Variants in JAKMIP1 observed in about 807,000 individuals in gnomAD.
JAKMIP1 encodes janus kinase and microtubule-interacting protein 1.
Under a neutral mutation model 113.0 loss-of-function variants are expected in JAKMIP1, and 33 were observed. The observed-to-expected ratio is 0.29, with a 90% CI of 0.22 to 0.39. The LOEUF is 0.39. Ranked by LOEUF, JAKMIP1 falls within the 10% of genes least tolerant of loss-of-function variation. The probability of loss-of-function intolerance (pLI) is 1.00; values close to 1 mark genes in which losing one functional copy is unlikely to be tolerated. For missense variants in JAKMIP1, 813 were observed against 1,080.5 expected, an observed-to-expected ratio of 0.75 and a Z score of 3.47; for synonymous variants, 480 against 459.9, an observed-to-expected ratio of 1.04 and a Z score of -0.56.
chr4:6,099,999 T>G (rs577988079), intron 3 of JAKMIP1, among the ~76,000 whole-genome samples: 1 of 152,200 alleles, frequency 6.6e-6, no homozygotes, highest in Non-Finnish European at 1.5e-5. Context: ...TGTTTCATTG[T>G]GTGCTGTTCT....
At position 6,136,092 on chromosome 4, in the gene JAKMIP1, A is replaced by T. The variant is rs1719203347; in HGVS notation, c.-147-23095T>A. Among the ~76,000 whole-genome samples, 1 of 152,036 alleles carries T rather than the reference A, an allele frequency of 6.6e-6. No individual in the cohort carries two copies. The highest frequency in any genetic ancestry group is 1.5e-5 in the Non-Finnish European group (1 of 68,000). On this transcript the variant is annotated intron_variant, in intron 1 of 20. Coordinates refer to ENST00000409021, the MANE Select transcript of JAKMIP1 (RefSeq NM_001099433.2). This position sits in a 1 kb window ranked among gnomAD's most constrained non-coding sequence, Gnocchi z 5.9. Reference sequence around the variant, plus strand: ...GAAACCCCATCTCTACTAAAGATACAAAAATTGGCCGGGCATGGTGGTGGG... The same window carrying T: ...GAAACCCCATCTCTACTAAAGATACTAAAATTGGCCGGGCATGGTGGTGGG...
intron 1 of JAKMIP1, among the ~76,000 whole-genome samples, chr4:6,190,914 T>C (rs1467630596): frequency 6.6e-6 from 1 of 152,072 alleles, no homozygotes; most frequent in African/African-American, 2.4e-5. Context: ...AGCAGAGAGG[T>C]TGCATCAAAC....
rs1714722338 is a variant in JAKMIP1, at chr4:6,044,349, G to A, written c.2029-2122C>T. Among the ~76,000 whole-genome samples the A allele has an allele frequency of 6.6e-6, 1 of 152,120 alleles. No homozygotes were observed. The highest frequency in any genetic ancestry group is 1.5e-5 in the Non-Finnish European group (1 of 68,030). On this transcript the variant is annotated intron_variant, in intron 16 of 20. Transcript: ENST00000409021. The surrounding 1 kb of genome is among the most constrained non-coding windows in gnomAD (Gnocchi z 4.4). Reference sequence around the variant, plus strand: ...GAGAATCAAGGCTGTGCAGGTTGGTGGGGTGTGTGCTGCCTGAACAGAGGG... The same window carrying A: ...GAGAATCAAGGCTGTGCAGGTTGGTAGGGTGTGTGCTGCCTGAACAGAGGG...
intron 1 of JAKMIP1, among the ~76,000 whole-genome samples, chr4:6,119,130 C>T (rs1053760846): frequency 6.6e-6 from 1 of 152,164 alleles, no homozygotes; most frequent in Non-Finnish European, 1.5e-5. Flanking sequence ...ACCCTGCCAG[C>T]ACTGTGATTT....
At chr4:6,085,050 C>T (rs1278892897) in intron 4 of JAKMIP1, 85 bp from the exon 5 acceptor site, 14 of 1,439,506 alleles carry the variant, frequency 9.7e-6, no homozygotes, top group Non-Finnish European at 1.3e-5. Flanking sequence ...AGAAAATTCA[C>T]ATGACATAAT....
At chr4:6,171,279 T>C (rs1269402251) in intron 1 of JAKMIP1, among the ~76,000 whole-genome samples, 3 of 146,762 alleles carry the variant, frequency 2.0e-5, no homozygotes, top group African/African-American at 7.7e-5. Flanking sequence ...TCCTCATCAA[T>C]GTCATCACCA....
chr4:6,033,847 A>AC (rs1214322049), intron 19 of JAKMIP1, among the ~76,000 whole-genome samples: 1 of 152,222 alleles, frequency 6.6e-6, no homozygotes, highest in African/African-American at 2.4e-5. Context: ...ATTTCTGGAG[A>AC]CTATCAAATG....
At position 6,080,899 on chromosome 4, in the gene JAKMIP1, T is replaced by C. The variant is rs1720421240; in HGVS notation, c.1102-587A>G. On this transcript the variant is annotated intron_variant, in intron 6 of 20. Transcript: ENST00000409021. This position sits in a 1 kb window ranked among gnomAD's most constrained non-coding sequence, Gnocchi z 6.0. ...CTGACAGGAAGGGATGCGCAGGGCC[T>C]GGGGGTGGAAGACGACATTTGAAAT... is the stretch of plus-strand genomic sequence containing the variant. 6.6e-6 allele frequency among the ~76,000 whole-genome samples: 1 copy of C among 151,182 alleles called. No homozygotes were observed. The highest frequency in any genetic ancestry group is 2.1e-4 in the South Asian group (1 of 4,760).
At chr4:6,126,992 A>G (rs1373856262) in intron 1 of JAKMIP1, among the ~76,000 whole-genome samples, 2 of 151,840 alleles carry the variant, frequency 1.3e-5, no homozygotes, top group Admixed American at 1.3e-4. Flanking sequence ...CATCACACAC[A>G]TCATACAGAA....
At chr4:6,087,207 G>C (rs4689335) in intron 3 of JAKMIP1, among the ~76,000 whole-genome samples, 123,818 of 152,102 alleles carry the variant, frequency 0.81, 51,424 homozygotes, top group East Asian at 0.99. Context: ...GCAGAGAATT[G>C]GGGTGAAGGG....
In JAKMIP1 at chr4:6,168,047, G is replaced by A. The variant is rs574123527; in HGVS notation, c.-148+32206C>T. The stretch of plus-strand genomic sequence containing the variant: ...AGGAGCACCTGAAGAGACGCTCAAC[G>A]TCATCAGCCCTCAGGGTAATACCAA... On this transcript the variant is annotated intron_variant, in intron 1 of 20. Transcript: ENST00000409021. The surrounding 1 kb of genome is among the most constrained non-coding windows in gnomAD (Gnocchi z 4.6). Among the ~76,000 whole-genome samples the A allele has an allele frequency of 2.6e-5, 4 of 152,288 alleles. No homozygotes were observed. Among genetic ancestry groups the A allele is most frequent in the South Asian group, 2.1e-4 (1 of 4,822 alleles).
At chr4:6,152,783 A>AATACAAATATATATATATATATAT (rs1398941951) in intron 1 of JAKMIP1, among the ~76,000 whole-genome samples, 6 of 126,728 alleles carry the variant, frequency 4.7e-5, no homozygotes, top group East Asian at 2.0e-4. Flanking sequence ...CTCTACTAAA[A>AATACAAATATATATATATATATAT]ATACAAATAT....
At chr4:6,070,384 C>T (rs1403959842) in intron 8 of JAKMIP1, among the ~76,000 whole-genome samples, 1 of 152,236 alleles carries the variant, frequency 6.6e-6, no homozygotes, top group Non-Finnish European at 1.5e-5. Flanking sequence ...CCAGAAGACG[C>T]ACCTTCAGTA....
rs532170322 is a variant in JAKMIP1, at chr4:6,180,509, C to T, written c.-148+19744G>A. Among the ~76,000 whole-genome samples, 1 of 152,362 alleles carries T rather than the reference C, an allele frequency of 6.6e-6. No homozygotes were observed. The highest frequency in any genetic ancestry group is 1.9e-4 in the East Asian group (1 of 5,186). On this transcript the variant is annotated intron_variant, in intron 1 of 20. Coordinates refer to ENST00000409021, the MANE Select transcript of JAKMIP1 (RefSeq NM_001099433.2). This position sits in a 1 kb window ranked among gnomAD's most constrained non-coding sequence, Gnocchi z 4.5. Reference sequence around the variant, plus strand: ...GCACCATAACAACACAGACACCCCTCTCCCATCAGATAATTTACTACAATT... The same window carrying T: ...GCACCATAACAACACAGACACCCCTTTCCCATCAGATAATTTACTACAATT...
intron 5 of JAKMIP1, among the ~76,000 whole-genome samples, chr4:6,082,189 A>G (rs115904610): frequency 0.011 from 1,722 of 152,158 alleles, 13 homozygotes; most frequent in Middle Eastern, 0.021. Flanking sequence ...AGTGCCAAGA[A>G]TGCTTTGCAC....
Position 6,137,317 on chromosome 4 carries a change from C to T in JAKMIP1, c.-147-24320G>A, listed in dbSNP as rs139913939. On this transcript the variant is annotated intron_variant, in intron 1 of 20. Coordinates refer to ENST00000409021, the MANE Select transcript of JAKMIP1 (RefSeq NM_001099433.2). This position sits in a 1 kb window ranked among gnomAD's most constrained non-coding sequence, Gnocchi z 4.5. ...CACAGCAGCCACAGTGGCTGCAAGACGGCACGCGCTGGCATTTTCCTAACA... is the reference window on the plus strand; with the variant it reads ...CACAGCAGCCACAGTGGCTGCAAGATGGCACGCGCTGGCATTTTCCTAACA... Among the ~76,000 whole-genome samples, 1 of 152,298 alleles carries T rather than the reference C, an allele frequency of 6.6e-6. No homozygotes were observed. The highest frequency in any genetic ancestry group is 6.5e-5 in the Admixed American group (1 of 15,298).
intron 20 of JAKMIP1, among the ~76,000 whole-genome samples, chr4:6,028,403 G>A (rs965101387): frequency 6.6e-6 from 1 of 152,166 alleles, no homozygotes; most frequent in African/African-American, 2.4e-5. Context: ...GACCCGGCAG[G>A]GCCCTACACC....
chr4:6,161,551 T>TG (rs999169156), intron 1 of JAKMIP1, among the ~76,000 whole-genome samples: 1 of 102,714 alleles, frequency 9.7e-6, no homozygotes, highest in Non-Finnish European at 2.4e-5. Context: ...GCAAACTCAG[T>TG]GGAAAAAAAA....
intron 1 of JAKMIP1, among the ~76,000 whole-genome samples, chr4:6,126,516 ATG>A (rs1717668535): frequency 6.7e-6 from 1 of 149,856 alleles, no homozygotes; most frequent in African/African-American, 2.5e-5. Flanking sequence ...AGAAACACAC[ATG>A]CACACACACC....
Sources: allele counts gnomAD v4.1 joint callset (sites outside exome capture counted in the v4.1 genomes callset), GRCh38; gene constraint gnomAD v4.1.1; non-coding constraint Gnocchi (gnomAD v3.1); transcripts MANE v1.5; gene names NCBI Gene and HGNC (gene_info 2026-07-23, HGNC 2026-07-21).